The following SLC39A6 variants were observed in gnomAD, a reference collection of about 807,000 sequenced individuals.
SLC39A6 encodes solute carrier family 39 member 6.
In SLC39A6, 51 loss-of-function variants were observed where a neutral mutation model predicts 63.5. The observed-to-expected ratio is 0.80, with a 90% CI of 0.64 to 1.01. The LOEUF (loss-of-function observed/expected upper bound fraction) is 1.01. Ranked by LOEUF, SLC39A6 falls within the 50% of genes least tolerant of loss-of-function variation. The pLI is 0.00. For missense variants in SLC39A6, 805 were observed against 927.8 expected, an observed-to-expected ratio of 0.87 and a Z score of 1.72; for synonymous variants, 318 against 324.7, an observed-to-expected ratio of 0.98 and a Z score of 0.22.
Position 36,114,252 on chromosome 18 carries a change from T to C in SLC39A6, c.1688A>G (p.His563Arg). The C allele has an allele frequency of 6.2e-7, 1 of 1,614,102 alleles. No homozygotes were observed. The highest frequency in any genetic ancestry group is 8.5e-7 in the Non-Finnish European group (1 of 1,180,030). Residue 563 changes from histidine (H) to arginine (R), a missense_variant, in exon 7 of 10, where the codon CAT becomes CGT. This residue lies in a region of SLC39A6 where 19 missense variants were observed against 35.1 expected (regional missense o/e 0.54). Coordinates refer to ENST00000269187, the MANE Select transcript of SLC39A6 (RefSeq NM_012319.4). ...DLIHHHHDYH[H>R]ILHHHHHQNH... Reference sequence around the variant, plus strand: ...TTGGTGGTGGTGATGATGGAGAATATGATGGTAGTCATGATGGTGGTGAAT... The same window carrying C: ...TTGGTGGTGGTGATGATGGAGAATACGATGGTAGTCATGATGGTGGTGAAT...
rs368151762 is a variant in SLC39A6 at position 36,123,917 on chromosome 18, G to A, written c.971-253C>T. ...CATAGCTCTAATGGGAAATTCTTCA[G>A]GTCGGGGTGAAAGAGGAAAAAAAAA... On this transcript the variant is annotated intron_variant, in intron 3 of 9. Coordinates refer to ENST00000269187, the MANE Select transcript of SLC39A6 (RefSeq NM_012319.4). 3.0e-4 allele frequency among the ~76,000 whole-genome samples: 46 copies of A among 152,094 alleles called. 1 individual carries two copies. The highest frequency in any genetic ancestry group is 1.1e-3 in the African/African-American group (45 of 41,492).
At chr18:36,116,923 A>G (rs1236381907) in intron 5 of SLC39A6, 144 bp from the exon 6 acceptor site, 10 of 610,090 alleles carry the variant, frequency 1.6e-5, no homozygotes, top group Middle Eastern at 4.3e-4. Flanking sequence ...GCAGCACACT[A>G]TCTCCTGGGA....
At position 36,126,905 on chromosome 18, in the gene SLC39A6, T is replaced by C; in HGVS notation, c.103A>G (p.Lys35Glu). 1 of 1,614,232 alleles carries C rather than the reference T, an allele frequency of 6.2e-7. No individual in the cohort carries two copies. The highest frequency in any genetic ancestry group is 8.5e-7 in the Non-Finnish European group (1 of 1,180,044). The part of the protein sequence containing the change: ...KAAAFPQTTE[K>E]ISPNWESGIN... The stretch of plus-strand genomic sequence containing the variant: ...CCAGATTCCCAATTCGGACTAATTT[T>C]CTCAGTGGTCTGGGGGAAAGCAGCT... The change falls in exon 2 of 10, where the codon AAA (lysine) becomes GAA (glutamate). Residue 35 changes from lysine to glutamate, a missense_variant. By Grantham distance (56) the Lys-to-Glu change is moderately conservative. Coordinates refer to ENST00000269187, the MANE Select transcript of SLC39A6 (RefSeq NM_012319.4).
rs1465412254 is a variant in SLC39A6, at chr18:36,109,645, A to G, written c.2216T>C (p.Met739Thr). Residue 739 changes from methionine (M) to threonine (T), a missense_variant, in exon 10 of 10, where the codon ATG (methionine) becomes ACG (threonine). This residue lies in a region of SLC39A6 where 145 missense variants were observed against 227.2 expected (regional missense o/e 0.64). Transcript: ENST00000269187. The part of the protein sequence containing the change: ...NAGMLLGFGI[M>T]LLISIFEHKI... ...ATGTTCAAATATGGAAATAAGTAAC[A>G]TAATTCCAAAACCCAAAAGCATCCC... 2 of 1,611,268 alleles carry G rather than the reference A, an allele frequency of 1.2e-6. No individual in the cohort carries two copies. The highest frequency in any genetic ancestry group is 1.7e-6 in the Non-Finnish European group (2 of 1,177,686).
Position 36,126,283 on chromosome 18 carries a change from T to C in SLC39A6, c.725A>G (p.Glu242Gly). ...VSRLAGRKTN[E>G]SVSEPRKGFM... ...GCCTTTTCGGGGCTCACTCACAGAT[T>C]CATTTGTTTTCCTACCAGCCAGCCG... Residue 242 changes from glutamate (E) to glycine (G), a missense_variant, in exon 2 of 10, where the codon GAA becomes GGA. Around this residue, in one of 4 missense-constraint regions of SLC39A6, gnomAD observed 639 missense variants for 644.0 expected, o/e 0.99. Transcript: ENST00000269187. 1 of 1,614,232 alleles carries C rather than the reference T, an allele frequency of 6.2e-7. No homozygotes were observed. The highest frequency in any genetic ancestry group is 1.1e-5 in the South Asian group (1 of 91,082).
intron 7 of SLC39A6, among the ~76,000 whole-genome samples, chr18:36,113,481 G>C (rs1009959846): frequency 2.0e-5 from 3 of 152,140 alleles, no homozygotes; most frequent in African/African-American, 7.2e-5. Flanking sequence ...GACTCCCAGG[G>C]AGCCAAGGCC....
chr18:36,113,254 C>T (rs908885000), intron 7 of SLC39A6, among the ~76,000 whole-genome samples: 8 of 151,938 alleles, frequency 5.3e-5, no homozygotes, highest in African/African-American at 1.7e-4. Context: ...ACCACCATAC[C>T]TGGCTAATTT....
intron 4 of SLC39A6, 87 bp downstream of exon 4, chr18:36,123,408 T>G (rs1050464803): frequency 8.0e-7 from 1 of 1,251,510 alleles, no homozygotes; most frequent in Admixed American, 2.7e-5. Flanking sequence ...TTCTAACATT[T>G]TATACAAAAA....
chr18:36,109,705 C>T lies in SLC39A6; in HGVS notation c.2156G>A (p.Cys719Tyr), dbSNP rs894678415. ...MLHNDASDHG[C>Y]SRWGYFFLQN... ...TAAAAAGAAATACCCCCAGCGGCTA[C>T]ATCCATGGTCACTAGCATCATTGTG... The change falls in exon 10 of 10, where the codon TGT (cysteine) becomes TAT (tyrosine). Residue 719 changes from cysteine to tyrosine, a missense_variant. Cys to Tyr is a radical substitution (Grantham distance 194, BLOSUM62 -2). This residue lies in a region of SLC39A6 where 145 missense variants were observed against 227.2 expected (regional missense o/e 0.64). Coordinates refer to ENST00000269187, the MANE Select transcript of SLC39A6 (RefSeq NM_012319.4). 1 of 1,612,812 alleles carries T rather than the reference C, an allele frequency of 6.2e-7. No homozygotes were observed. Among genetic ancestry groups the T allele is most frequent in the Non-Finnish European group, 8.5e-7 (1 of 1,179,134 alleles).
intron 4 of SLC39A6, among the ~76,000 whole-genome samples, chr18:36,123,037 A>G (rs558435929): frequency 6.6e-6 from 1 of 152,244 alleles, no homozygotes; most frequent in Admixed American, 6.5e-5. Context: ...TATCTGATGG[A>G]AAAGTAAATT....
chr18:36,121,724 T>C (rs2089396013), intron 5 of SLC39A6, among the ~76,000 whole-genome samples: 1 of 152,216 alleles, frequency 6.6e-6, no homozygotes, highest in South Asian at 2.1e-4. Context: ...CTAATAAATA[T>C]TGATAGTGTA....
In SLC39A6 at chr18:36,123,517, G is replaced by C. The variant is rs748235940; in HGVS notation, c.1118C>G (p.Ala373Gly). 6.2e-7 allele frequency: 1 copy of C among 1,611,134 alleles called. No homozygotes were observed. Among genetic ancestry groups the C allele is most frequent in the South Asian group, 1.1e-5 (1 of 90,394 alleles). Reference protein sequence around the residue: ...ALAVGTLSGDAFLHLLPHSHA... With the variant: ...ALAVGTLSGDGFLHLLPHSHA... ...TACATGTGGAAGAAGGTGTAAAAAA[G>C]CATCACCACTCAAAGTCCCAACGGC... The change falls in exon 4 of 10, where the codon GCT (alanine) becomes GGT (glycine). Residue 373 changes from alanine (A) to glycine (G), a missense_variant. Around this residue, in one of 4 missense-constraint regions of SLC39A6, gnomAD observed 639 missense variants for 644.0 expected, o/e 0.99. Transcript: ENST00000269187.
intron 8 of SLC39A6, among the ~76,000 whole-genome samples, chr18:36,111,589 A>G (rs1345681436): frequency 6.7e-6 from 1 of 148,314 alleles, no homozygotes; most frequent in Admixed American, 6.9e-5. Flanking sequence ...GGTTCAAGCC[A>G]TTCCTGTGCC....
At position 36,126,636 on chromosome 18, in the gene SLC39A6, AGAGTGATGCTCGTGCTCT is replaced by A. The variant is rs1261341793; in HGVS notation, c.354_371del (p.Glu119_Ser124del). 3 of 1,613,130 alleles carry A rather than the reference AGAGTGATGCTCGTGCTCT, an allele frequency of 1.9e-6. No individual in the cohort carries two copies. The highest frequency in any genetic ancestry group is 2.2e-5 in the East Asian group (1 of 44,880). On this transcript the variant is annotated inframe_deletion, in exon 2 of 10. Coordinates refer to ENST00000269187, the MANE Select transcript of SLC39A6 (RefSeq NM_012319.4). ...TATGGTGAGAGTGATGATCATGGTCAGAGTGATGCTCGTGCTCTGAGTGATGCTCATGGTCTGAGTGAC... is the reference window on the plus strand; with the variant it reads ...TATGGTGAGAGTGATGATCATGGTCAGAGTGATGCTCATGGTCTGAGTGAC...
chr18:36,117,985 C>T (rs1220049419), intron 5 of SLC39A6, among the ~76,000 whole-genome samples: 9 of 150,492 alleles, frequency 6.0e-5, no homozygotes, highest in African/African-American at 2.0e-4. Flanking sequence ...GAGCAGAGAT[C>T]GCGCCACTGC....
At chr18:36,120,177 C>T (rs370240595) in intron 5 of SLC39A6, among the ~76,000 whole-genome samples, 6 of 151,976 alleles carry the variant, frequency 3.9e-5, no homozygotes, top group Non-Finnish European at 7.4e-5. Flanking sequence ...TGCAAGATGG[C>T]TCTCTTAAGG....
rs1259905680 is a variant in SLC39A6 at position 36,109,711 on chromosome 18, T to C, written c.2150A>G (p.His717Arg). The change falls in exon 10 of 10, where the codon CAT becomes CGT. Residue 717 changes from histidine to arginine, a missense_variant. By Grantham distance (29) the His-to-Arg change is conservative (BLOSUM62 0). This residue lies in a region of SLC39A6 where 145 missense variants were observed against 227.2 expected (regional missense o/e 0.64). Coordinates refer to ENST00000269187, the MANE Select transcript of SLC39A6 (RefSeq NM_012319.4). Reference sequence around the variant, plus strand: ...GAAATACCCCCAGCGGCTACATCCATGGTCACTAGCATCATTGTGCAGCAT... The same window carrying C: ...GAAATACCCCCAGCGGCTACATCCACGGTCACTAGCATCATTGTGCAGCAT... ...PEMLHNDASD[H>R]GCSRWGYFFL... 1 of 1,613,004 alleles carries C rather than the reference T, an allele frequency of 6.2e-7. No homozygotes were observed. The highest frequency in any genetic ancestry group is 1.7e-5 in the Admixed American group (1 of 59,934).
rs376497569 is a variant in SLC39A6 at position 36,126,967 on chromosome 18, G to T, written c.41C>A (p.Ala14Asp). The change falls in exon 2 of 10, where the codon GCC becomes GAC. Residue 14 changes from alanine to aspartate, a missense_variant. Around this residue, in one of 4 missense-constraint regions of SLC39A6, gnomAD observed 639 missense variants for 644.0 expected, o/e 0.99. Coordinates refer to ENST00000269187, the MANE Select transcript of SLC39A6 (RefSeq NM_012319.4). ...ATGAAGGGGATTTGTGACAGAGAGG[G>T]CAAAGGTCAGGATCAAGATTACAGA... ...KLSVILILTFALSVTNPLHEL... is the reference protein window; with the variant it reads ...KLSVILILTFDLSVTNPLHEL... 2 of 1,613,864 alleles carry T rather than the reference G, an allele frequency of 1.2e-6. No homozygotes were observed. The highest frequency in any genetic ancestry group is 1.7e-6 in the Non-Finnish European group (2 of 1,179,986).
intron 5 of SLC39A6, among the ~76,000 whole-genome samples, chr18:36,117,669 A>G (rs1183353580): frequency 6.6e-6 from 1 of 152,210 alleles, no homozygotes; most frequent in Admixed American, 6.5e-5. Flanking sequence ...TCACCACCAT[A>G]CCTAAGATTT....
Sources: allele counts gnomAD v4.1 joint callset (sites outside exome capture counted in the v4.1 genomes callset), GRCh38; gene constraint gnomAD v4.1.1; regional missense constraint gnomAD v4.1.1; transcripts MANE v1.5; gene names NCBI Gene and HGNC (gene_info 2026-07-23, HGNC 2026-07-21).